WRN: variants seen among roughly 807,000 people sequenced by gnomAD.
WRN encodes the protein bifunctional 3'-5' exonuclease/ATP-dependent helicase WRN.
In WRN, 149 loss-of-function variants were observed where a neutral mutation model predicts 180.7. The ratio of observed to expected loss-of-function variants is 0.82; its 90% CI spans 0.72 to 0.94. The LOEUF is 0.94. Among genes scored for constraint, WRN ranks in the 40% least tolerant of loss-of-function variants. WRN has a pLI of 0.00. For synonymous variants in WRN, 548 were observed against 568.9 expected, an observed-to-expected ratio of 0.96 and a Z score of 0.52; for missense variants, 1,661 against 1,700.1, an observed-to-expected ratio of 0.98 and a Z score of 0.40.
rs189096241 is a variant in WRN, at chr8:31,157,267, C to T, written c.3820-101C>T. On this transcript the variant is annotated intron_variant, in intron 32 of 34. Coordinates refer to ENST00000298139, the MANE Select transcript of WRN (RefSeq NM_000553.6). Reference sequence around the variant, plus strand: ...TAAAGGTTTAGTTCATTGTTTATTTCACACTGAGCATTTACTACCTGAATG... The same window carrying T: ...TAAAGGTTTAGTTCATTGTTTATTTTACACTGAGCATTTACTACCTGAATG... 6.6e-4 allele frequency: 997 copies of T among 1,515,530 alleles called. 6 individuals are homozygous for T. The African/African-American group carries it at 0.012, about 18-fold the overall frequency. The allele number at this position is 1,515,530 out of a possible 1,614,324, so 93.9% of individuals were successfully genotyped here.
intron 16 of WRN, 73 bp from the exon 17 acceptor site, chr8:31,096,695 T>G: frequency 8.3e-7 from 1 of 1,208,442 alleles, no homozygotes; most frequent in Non-Finnish European, 1.2e-6. Context: ...TTGAGATGAT[T>G]GTTTTCTTTA....
At chr8:31,150,282 A>G (rs886957747) in intron 30 of WRN, 59 bp from the exon 31 acceptor site, 3 of 1,347,026 alleles carry the variant, frequency 2.2e-6, no homozygotes, top group Non-Finnish European at 3.2e-6. Flanking sequence ...TGCTGGAGTG[A>G]TACTGTTTCA....
At chr8:31,169,609 G>T (rs929246956) in intron 34 of WRN, among the ~76,000 whole-genome samples, 1 of 152,020 alleles carries the variant, frequency 6.6e-6, no homozygotes, top group Non-Finnish European at 1.5e-5. Context: ...GCTCATTTTC[G>T]TATGAGATTA....
intron 16 of WRN, among the ~76,000 whole-genome samples, chr8:31,093,068 A>G (rs927208510): frequency 6.6e-6 from 1 of 152,006 alleles, no homozygotes; most frequent in Admixed American, 6.6e-5. Context: ...CCTCTCAAGT[A>G]GGCTAGGCTG....
At chr8:31,041,059 G>T (rs983880700) in intron 1 of WRN, among the ~76,000 whole-genome samples, 3 of 152,180 alleles carry the variant, frequency 2.0e-5, no homozygotes, top group Admixed American at 6.5e-5. Flanking sequence ...AGATGTATTA[G>T]AGTTCTCCTG....
chr8:31,125,782 G>A (rs971414136), intron 23 of WRN, among the ~76,000 whole-genome samples: 2 of 150,170 alleles, frequency 1.3e-5, no homozygotes, highest in Non-Finnish European at 1.5e-5. Context: ...CCACTGAGTG[G>A]ATGAGGCCCA....
rs201023618 is a variant in WRN, at chr8:31,150,330, G to T, written c.3573-11G>T. The T allele has an allele frequency of 3.7e-6, 6 of 1,607,990 alleles. No individual in the cohort carries two copies. Among genetic ancestry groups the T allele is most frequent in the Non-Finnish European group, 5.1e-6 (6 of 1,174,600 alleles). ...CCTTTTTGTTGTTGTTGTTGTTGTT[G>T]TTAAACACAGACCAACTACGGTTGA... On this transcript the variant is annotated splice_polypyrimidine_tract_variant and intron_variant, in intron 30 of 34. Coordinates refer to ENST00000298139, the MANE Select transcript of WRN (RefSeq NM_000553.6).
At chr8:31,043,518 G>T (rs1164534232) in intron 1 of WRN, among the ~76,000 whole-genome samples, 3 of 152,178 alleles carry the variant, frequency 2.0e-5, no homozygotes, top group Admixed American at 2.0e-4. Context: ...ATTGAAATTT[G>T]CTGTACACAA....
chr8:31,063,021 A>G (rs1465988000), intron 3 of WRN, among the ~76,000 whole-genome samples: 3 of 151,638 alleles, frequency 2.0e-5, no homozygotes, highest in Non-Finnish European at 4.4e-5. Flanking sequence ...GTTTTTAAAG[A>G]CAGGGTCTCA....
intron 27 of WRN, among the ~76,000 whole-genome samples, chr8:31,143,058 C>CTCTCTCTTCTT (rs1554533183): frequency 2.8e-5 from 4 of 140,930 alleles, no homozygotes; most frequent in Admixed American, 2.8e-4. Flanking sequence ...CACACACATT[C>CTCTCTCTTCTT]TCTCTCTCTC....
chr8:31,061,769 AC>A (rs1401706284), intron 3 of WRN, among the ~76,000 whole-genome samples: 2 of 152,282 alleles, frequency 1.3e-5, no homozygotes, highest in East Asian at 3.9e-4. Flanking sequence ...CTGGTGATCA[AC>A]GATCTCTTCT....
chr8:31,098,205 G>A (rs1199634237), intron 17 of WRN, among the ~76,000 whole-genome samples: 1 of 152,052 alleles, frequency 6.6e-6, no homozygotes, highest in Admixed American at 6.5e-5. Context: ...AATTTGATAT[G>A]TTTCCTAATA....
At chr8:31,146,059 C>G (rs1563379437) in intron 28 of WRN, among the ~76,000 whole-genome samples, 3 of 151,986 alleles carry the variant, frequency 2.0e-5, no homozygotes, top group Non-Finnish European at 4.4e-5. Flanking sequence ...CCAGCCCACA[C>G]TCTTCCCAAA....
rs3024239 is a variant in WRN, at chr8:31,141,606, C to T, written c.3138+6C>T. The T allele has an allele frequency of 0.47, 765,481 of 1,613,698 alleles. 186,689 individuals are homozygous for T. Among genetic ancestry groups the T allele is most frequent in the South Asian group, 0.59 (53,330 of 91,048 alleles). ...TTTGCGCCCTTACGAAAAAGGTAAA[C>T]GGTGTAGGAGTCTGCCTGTTTGACT... On this transcript the variant is annotated splice_donor_region_variant and intron_variant, in intron 25 of 34. Coordinates refer to ENST00000298139, the MANE Select transcript of WRN (RefSeq NM_000553.6).
At chr8:31,105,398 C>G (rs988261591) in intron 18 of WRN, among the ~76,000 whole-genome samples, 3 of 152,158 alleles carry the variant, frequency 2.0e-5, no homozygotes, top group African/African-American at 7.2e-5. Context: ...AAACTTTAGT[C>G]TTTGGACCTA....
At chr8:31,124,343 G>C (rs1182143050) in intron 21 of WRN, among the ~76,000 whole-genome samples, 179 bp from the exon 22 acceptor site, 1 of 151,712 alleles carries the variant, frequency 6.6e-6, no homozygotes, top group Admixed American at 6.6e-5. Context: ...CTCTTGTTGG[G>C]GGCATTGACT....
intron 18 of WRN, among the ~76,000 whole-genome samples, chr8:31,104,403 G>GT (rs1377551014): frequency 6.6e-6 from 1 of 152,056 alleles, no homozygotes; most frequent in Non-Finnish European, 1.5e-5. Flanking sequence ...AGTTTTAAGA[G>GT]TTTAAAAAAT....
chr8:31,132,531 T>C, intron 24 of WRN, 25 bp downstream of exon 24: 1 of 1,613,878 alleles, frequency 6.2e-7, no homozygotes, highest in Non-Finnish European at 8.5e-7. Flanking sequence ...GTGAATTCCC[T>C]TCATAGATCT....
chr8:31,057,539 C>T (rs1247943592), intron 1 of WRN, among the ~76,000 whole-genome samples: 1 of 151,890 alleles, frequency 6.6e-6, no homozygotes, highest in African/African-American at 2.4e-5. Context: ...CCACTGCACT[C>T]CAGCCTGGGC....
Sources: allele counts gnomAD v4.1 joint callset (sites outside exome capture counted in the v4.1 genomes callset), GRCh38; gene constraint gnomAD v4.1.1; transcripts MANE v1.5; gene names NCBI Gene and HGNC (gene_info 2026-07-23, HGNC 2026-07-21).